KDM5B: variants seen among roughly 807,000 people sequenced by gnomAD.
The protein encoded by KDM5B is lysine demethylase 5B, also known as lysine-specific demethylase 5B.
A neutral mutation model predicts 193.4 loss-of-function variants in KDM5B; 144 were observed. The observed-to-expected ratio is 0.74, with a 90% CI of 0.65 to 0.86. The LOEUF (loss-of-function observed/expected upper bound fraction) is 0.86, where lower values mean the gene tolerates loss of function less well. Among genes scored for constraint, KDM5B ranks in the 40% least tolerant of loss-of-function variants. The pLI, the probability that KDM5B is intolerant of heterozygous loss-of-function variation, is 0.00. For synonymous variants in KDM5B, 668 were observed against 682.6 expected (o/e 0.98, Z 0.33); for missense variants, 1,833 against 1,886.9 (o/e 0.97, Z 0.53).
rs1558499678 is a variant in KDM5B, at chr1:202,764,041, T to TTTCTTTTTTTTTTTTTTC, written c.808+7_808+8insGAAAAAAAAAAAAAAGAA. 1 of 1,482,266 alleles carries TTTCTTTTTTTTTTTTTTC rather than the reference T, an allele frequency of 6.7e-7. No homozygotes were observed. The highest frequency in any genetic ancestry group is 1.4e-5 in the African/African-American group (1 of 72,068). 91.8% of individuals were successfully genotyped at this position (1,482,266 alleles called of 1,614,324 possible). On this transcript the variant is annotated splice_region_variant and intron_variant, in intron 6 of 26. Transcript: ENST00000367265. ...TTTTCTTTCCTATTCATTGACAAATTTTCTTACCATTTTCACATTTTGGAG... is the reference window on the plus strand; with the variant it reads ...TTTTCTTTCCTATTCATTGACAAATTTTCTTTTTTTTTTTTTTCTTCTTACCATTTTCACATTTTGGAG...
chr1:202,763,914 GACT>G (rs1651014078), intron 6 of KDM5B, 132 bp downstream of exon 6: 8 of 575,596 alleles, frequency 1.4e-5, no homozygotes, highest in Non-Finnish European at 2.4e-5. Flanking sequence ...CCAACCCAGT[GACT>G]ACTATGTACT....
intron 24 of KDM5B, 71 bp downstream of exon 24, chr1:202,731,757 T>C (rs1654889782): frequency 8.9e-7 from 1 of 1,127,012 alleles, no homozygotes; most frequent in Non-Finnish European, 1.4e-6. Flanking sequence ...CTTGATCATC[T>C]ATAATAAAAA....
chr1:202,802,387 TTTG>T (rs368446576), intron 1 of KDM5B, among the ~76,000 whole-genome samples: 2,975 of 151,864 alleles, frequency 0.02, 96 homozygotes, highest in African/African-American at 0.066. Context: ...GTTGTTGTTG[TTTG>T]TTGTTGTTGT....
chr1:202,786,191 TGG>T (rs71142559), intron 1 of KDM5B, among the ~76,000 whole-genome samples: 5,355 of 56,012 alleles, frequency 0.096, 268 homozygotes, highest in Middle Eastern at 0.13. Context: ...AGACGGGGGG[TGG>T]GGGGGGGGGT....
rs1225779027 is a variant in KDM5B at position 202,736,212 on chromosome 1, C to A, written c.3264+1G>T. Reference sequence around the variant, plus strand: ...TGCAGATGAGCTGGTTGTAAACTTACCTCTAAGAGAGAATATGGAGAATTC... The same window carrying A: ...TGCAGATGAGCTGGTTGTAAACTTAACTCTAAGAGAGAATATGGAGAATTC... On this transcript the variant is annotated splice_donor_variant, in intron 21 of 26. Transcript: ENST00000367265. LOFTEE classifies it high-confidence loss of function. 2 of 1,562,984 alleles carry A rather than the reference C, an allele frequency of 1.3e-6. No homozygotes were observed. Among genetic ancestry groups the A allele is most frequent in the African/African-American group, 1.4e-5 (1 of 73,460 alleles).
intron 7 of KDM5B, among the ~76,000 whole-genome samples, chr1:202,761,966 G>C (rs981654360): frequency 2.0e-5 from 3 of 151,978 alleles, no homozygotes; most frequent in Non-Finnish European, 2.9e-5. Flanking sequence ...TTGGGGAGAG[G>C]GGGTGGGGCA....
intron 11 of KDM5B, among the ~76,000 whole-genome samples, chr1:202,753,400 C>A (rs1289164538): frequency 6.6e-6 from 1 of 152,038 alleles, no homozygotes; most frequent in Non-Finnish European, 1.5e-5. Context: ...GAGGCTGAGG[C>A]AGAAGATTCA....
intron 16 of KDM5B, 54 bp from the exon 17 acceptor site, chr1:202,742,859 T>C: frequency 6.8e-7 from 1 of 1,477,192 alleles, no homozygotes; most frequent in Non-Finnish European, 9.3e-7. Flanking sequence ...TTATTACTAC[T>C]GGTATGAAAT....
rs1227951014 is a variant in KDM5B at position 202,763,959 on chromosome 1, T to C, written c.808+90A>G. ...TCTAAATTTTACTTTTTAATTTTTT[T>C]CTATTGAATTTTCAGCTTATGTTTA... On this transcript the variant is annotated intron_variant, in intron 6 of 26. Coordinates refer to ENST00000367265, the MANE Select transcript of KDM5B (RefSeq NM_006618.5). 7 of 770,776 alleles carry C rather than the reference T, an allele frequency of 9.1e-6. No individual in the cohort carries two copies. In the Admixed American group the frequency reaches 2.0e-4, roughly 22 times the overall value. 47.7% of individuals were successfully genotyped at this position (770,776 alleles called of 1,614,324 possible). A position where few individuals can be genotyped will look rare whatever the true frequency, so the allele number is the denominator to read the frequency against.
chr1:202,742,771 A>G lies in KDM5B; in HGVS notation c.2358T>C (p.Ser786=), dbSNP rs1462305171. The G allele has an allele frequency of 2.5e-6, 4 of 1,614,180 alleles. No homozygotes were observed. The East Asian group carries it at 8.9e-5, about 36-fold the overall frequency. The stretch of plus-strand genomic sequence containing the variant: ...CATTGTCTGGGAATTTCTTCATTTC[A>G]GATTCTTCAATTAAAGCCTTGAAGC... ...LVSFKALIEE[S]EMKKFPDNDL... is the part of the protein sequence containing the mutation. Residue 786 remains serine, a synonymous_variant, in exon 17 of 27, where the codon TCT becomes TCC. Coordinates refer to ENST00000367265, the MANE Select transcript of KDM5B (RefSeq NM_006618.5).
intron 8 of KDM5B, 141 bp downstream of exon 8, chr1:202,760,274 C>T (rs773455689): frequency 8.7e-6 from 5 of 576,394 alleles, no homozygotes; most frequent in Non-Finnish European, 1.5e-5. Flanking sequence ...CATGTTTGTG[C>T]CACTGCACTC....
In KDM5B at chr1:202,728,539, GAAAC is replaced by G. The variant is rs1013048745; in HGVS notation, c.*493_*496del. 2.6e-5 allele frequency: 4 copies of G among 153,282 alleles called. No individual in the cohort carries two copies. Among genetic ancestry groups the G allele is most frequent in the African/African-American group, 9.6e-5 (4 of 41,570 alleles). 9.5% of individuals were successfully genotyped at this position (153,282 alleles called of 1,614,324 possible). A position where few individuals can be genotyped will look rare whatever the true frequency, so the allele number is the denominator to read the frequency against. ...AAGAAAAGTGGATAAAGGAAAAGAA[GAAAC>G]AAACAAAAACTCCCAAAGTGAAAAA... On this transcript the variant is annotated 3_prime_UTR_variant, in exon 27 of 27. Transcript: ENST00000367265.
At chr1:202,739,911 T>C (rs1655241036) in intron 20 of KDM5B, among the ~76,000 whole-genome samples, 1 of 152,230 alleles carries the variant, frequency 6.6e-6, no homozygotes, top group South Asian at 2.1e-4. Flanking sequence ...GATTTCTCAA[T>C]CTTTTCCCCA....
Position 202,745,970 on chromosome 1 carries a change from C to T in KDM5B, c.2211G>A (p.Thr737=), listed in dbSNP as rs773380214. 17 of 1,613,634 alleles carry T rather than the reference C, an allele frequency of 1.1e-5. No homozygotes were observed. The highest frequency in any genetic ancestry group is 1.3e-5 in the African/African-American group (1 of 74,896). ...TCATCATAGGGTAGAGATCATCCAG[C>T]GTGTACCTATACCTGGAAATAATAC... ...PYKYKLRYRY[T]LDDLYPMMNA... Residue 737 remains threonine, a synonymous_variant, in exon 16 of 27, where the codon ACG becomes ACA. Transcript: ENST00000367265.
rs1329289475 is a variant in KDM5B at position 202,808,403 on chromosome 1, C to T, written c.-98G>A. 3 of 1,148,886 alleles carry T rather than the reference C, an allele frequency of 2.6e-6. No individual in the cohort carries two copies. Among genetic ancestry groups the T allele is most frequent in the African/African-American group, 1.6e-5 (1 of 64,180 alleles). The allele number at this position is 1,148,886 out of a possible 1,614,324, so 71.2% of individuals were successfully genotyped here. ...ACCCGTGCAGACGCGGCTCGAGCAA[C>T]AGCAAGTCCGAGTTGTACGGGCAAC... On this transcript the variant is annotated 5_prime_UTR_variant, in exon 1 of 27. Transcript: ENST00000367265.
intron 1 of KDM5B, among the ~76,000 whole-genome samples, chr1:202,804,902 T>C (rs1370656602): frequency 6.6e-6 from 1 of 151,220 alleles, no homozygotes; most frequent in African/African-American, 2.4e-5. Flanking sequence ...GGAATCTATC[T>C]ATGGCCAAAT....
At chr1:202,732,081 G>T (rs1572703949) in intron 23 of KDM5B, 142 bp from the exon 24 acceptor site, 2 of 598,720 alleles carry the variant, frequency 3.3e-6, no homozygotes, top group East Asian at 5.9e-5. Context: ...CCCTACTGAA[G>T]AGTCTCCTGG....
At chr1:202,803,275 C>A (rs1230888732) in intron 1 of KDM5B, among the ~76,000 whole-genome samples, 6 of 152,154 alleles carry the variant, frequency 3.9e-5, no homozygotes, top group African/African-American at 1.4e-4. Context: ...TAAAACCATA[C>A]CCTATAACCA....
intron 20 of KDM5B, 117 bp downstream of exon 20, chr1:202,740,557 G>A (rs898951680): frequency 6.0e-5 from 56 of 926,598 alleles, no homozygotes; most frequent in East Asian, 1.8e-4. Flanking sequence ...CTCACCTCCC[G>A]GACGGGGCGG....
Sources: gnomAD v4.1 joint callset for allele counts (sites outside exome capture counted in the v4.1 genomes callset) on GRCh38, gnomAD v4.1.1 for gene constraint, MANE v1.5 for transcripts, NCBI Gene and HGNC (gene_info 2026-07-23, HGNC 2026-07-21) for gene names.